Variants in TRABD2B observed in about 807,000 individuals in gnomAD.
The protein encoded by TRABD2B is TraB domain containing 2B.
In TRABD2B, 14 loss-of-function variants were observed where a neutral mutation model predicts 40.1. The ratio of observed to expected loss-of-function variants is 0.35; its 90% CI spans 0.23 to 0.55. The LOEUF (loss-of-function observed/expected upper bound fraction) is 0.55. Ranked by LOEUF, TRABD2B falls within the 20% of genes least tolerant of loss-of-function variation. TRABD2B has a pLI of 0.90. For synonymous variants in TRABD2B, 263 were observed against 277.0 expected (o/e 0.95, Z 0.50); for missense variants, 541 against 648.6 (o/e 0.83, Z 1.80).
At position 47,994,379 on chromosome 1, in the gene TRABD2B, T is replaced by C. The variant is rs757139546; in HGVS notation, c.321A>G (p.Glu107=). 6.9e-5 allele frequency: 106 copies of C among 1,536,134 alleles called. 2 individuals are homozygous for C. In the East Asian group the frequency reaches 2.5e-3, roughly 36 times the overall value. The part of the protein sequence containing the change: ...LASCQLLPHG[E]NLQDVLPHEL... Reference sequence around the variant, plus strand: ...CGTGGGGCAGCACGTCCTGCAGGTTTTCCCCGTGCGGCAGCAGCTGGCAGC... The same window carrying C: ...CGTGGGGCAGCACGTCCTGCAGGTTCTCCCCGTGCGGCAGCAGCTGGCAGC... Residue 107 remains glutamate, a synonymous_variant, in exon 2 of 7, where the codon GAA becomes GAG. Coordinates refer to ENST00000606738, the MANE Select transcript of TRABD2B (RefSeq NM_001194986.2). This position sits in a 1 kb window ranked among gnomAD's most constrained non-coding sequence, Gnocchi z 6.7.
intron 2 of TRABD2B, among the ~76,000 whole-genome samples, chr1:47,849,789 G>T (rs908546304): frequency 1.3e-5 from 2 of 152,172 alleles, no homozygotes; most frequent in Non-Finnish European, 2.9e-5. Context: ...CGTGGCTCCC[G>T]CCCAAGGTTT....
chr1:47,780,473 A>C (rs904339317), intron 4 of TRABD2B, among the ~76,000 whole-genome samples: 16 of 152,118 alleles, frequency 1.1e-4, no homozygotes, highest in African/African-American at 3.9e-4. Context: ...GTAGTGATGA[A>C]GAGGCAGGGT....
chr1:47,814,722 G>A (rs1274959499), intron 2 of TRABD2B, among the ~76,000 whole-genome samples: 1 of 152,202 alleles, frequency 6.6e-6, no homozygotes, highest in Non-Finnish European at 1.5e-5. Flanking sequence ...AAGAAAAGAA[G>A]ACTGCGTGGG....
Position 47,994,303 on chromosome 1 carries a change from G to A in TRABD2B, c.397C>T (p.Pro133Ser). 1 of 1,536,426 alleles carries A rather than the reference G, an allele frequency of 6.5e-7. No individual in the cohort carries two copies. ...RHLDYVKLMM[P>S]SWMTPAQRGK... ...CGCTGAGCGGGCGTCATCCAGGAGG[G>A]CATCATCAACTTCACGTAGTCCAGG... Residue 133 changes from proline (P) to serine (S), a missense_variant, in exon 2 of 7, where the codon CCC becomes TCC. Pro to Ser is a moderately conservative substitution (Grantham distance 74). This residue lies in a region of TRABD2B where 369 missense variants were observed against 492.8 expected (regional missense o/e 0.75). Transcript: ENST00000606738. The surrounding 1 kb of genome is among the most constrained non-coding windows in gnomAD (Gnocchi z 6.7).
At chr1:47,885,926 G>A in intron 2 of TRABD2B, among the ~76,000 whole-genome samples, 1 of 152,198 alleles carries the variant, frequency 6.6e-6, no homozygotes, top group Non-Finnish European at 1.5e-5. Flanking sequence ...TCAAAGTCTA[G>A]TTTTATGCAT....
At position 47,996,467 on chromosome 1, in the gene TRABD2B, G is replaced by C. The variant is rs1557703831; in HGVS notation, c.102+221C>G. Among the ~76,000 whole-genome samples the C allele has an allele frequency of 6.6e-6, 1 of 152,178 alleles. No homozygotes were observed. Among genetic ancestry groups the C allele is most frequent in the South Asian group, 2.1e-4 (1 of 4,832 alleles). On this transcript the variant is annotated intron_variant, in intron 1 of 6. Transcript: ENST00000606738. This position sits in a 1 kb window ranked among gnomAD's most constrained non-coding sequence, Gnocchi z 4.6. ...AAGAGGAGAGCCCCAGAGCGGCAGC[G>C]TGTGGAGAAGGAACCGGAGAGGGAG...
Position 47,765,286 on chromosome 1 carries a change from T to C in TRABD2B, c.*616A>G, listed in dbSNP as rs1433488405. Reference sequence around the variant, plus strand: ...ACCCCAGCGCTTTGGTTGAAAACACTTACCAAGAGCTCTGGAGGGCCAGAT... The same window carrying C: ...ACCCCAGCGCTTTGGTTGAAAACACCTACCAAGAGCTCTGGAGGGCCAGAT... On this transcript the variant is annotated 3_prime_UTR_variant, in exon 7 of 7. Coordinates refer to ENST00000606738, the MANE Select transcript of TRABD2B (RefSeq NM_001194986.2). The C allele has an allele frequency of 5.3e-5, 8 of 151,766 alleles. No individual in the cohort carries two copies. Among genetic ancestry groups the C allele is most frequent in the African/African-American group, 1.7e-4 (7 of 41,302 alleles). 9.4% of individuals were successfully genotyped at this position (151,766 alleles called of 1,614,324 possible).
chr1:47,909,483 A>AAGG lies in TRABD2B; in HGVS notation c.666+84548_666+84550dup, dbSNP rs762863607. ...GAAGGAGAAGGGGAAGGAGAAGGAG[A>AAGG]AGGAGAAGGAGGAGAAGGAGGAGAA... On this transcript the variant is annotated intron_variant, in intron 2 of 6. Coordinates refer to ENST00000606738, the MANE Select transcript of TRABD2B (RefSeq NM_001194986.2). Among the ~76,000 whole-genome samples the AAGG allele has an allele frequency of 5.2e-3, 441 of 84,350 alleles. 3 individuals are homozygous for AAGG. Among genetic ancestry groups the AAGG allele is most frequent in the South Asian group, 0.011 (18 of 1,694 alleles). The allele number at this position is 84,350 out of a possible 152,430, so 55.3% of individuals were successfully genotyped here.
intron 2 of TRABD2B, among the ~76,000 whole-genome samples, chr1:47,831,271 T>A (rs1211077687): frequency 2.0e-5 from 3 of 151,830 alleles, no homozygotes; most frequent in African/African-American, 7.3e-5. Context: ...AGCAGAATTA[T>A]TAATAGGTCC....
chr1:47,960,762 A>G (rs913319056), intron 2 of TRABD2B, among the ~76,000 whole-genome samples: 3 of 152,206 alleles, frequency 2.0e-5, no homozygotes, highest in Non-Finnish European at 2.9e-5. Context: ...GGAAGAATCA[A>G]TATCGTGAAA....
chr1:47,938,366 A>G (rs1320870434), intron 2 of TRABD2B, among the ~76,000 whole-genome samples: 1 of 152,174 alleles, frequency 6.6e-6, no homozygotes, highest in African/African-American at 2.4e-5. Flanking sequence ...TCTCTGGAGT[A>G]TGGCCATCTA....
At chr1:47,961,226 G>A (rs1645509750) in intron 2 of TRABD2B, among the ~76,000 whole-genome samples, 1 of 152,212 alleles carries the variant, frequency 6.6e-6, no homozygotes, top group Non-Finnish European at 1.5e-5. Flanking sequence ...ATGGATTAAA[G>A]ACTTACATGT....
At chr1:47,981,906 T>C (rs1448918817) in intron 2 of TRABD2B, among the ~76,000 whole-genome samples, 1 of 152,096 alleles carries the variant, frequency 6.6e-6, no homozygotes, top group East Asian at 1.9e-4. Flanking sequence ...GTCTGAGCAG[T>C]AGAGGAAAAG....
intron 2 of TRABD2B, among the ~76,000 whole-genome samples, chr1:47,935,869 GA>G: frequency 6.6e-6 from 1 of 152,264 alleles, no homozygotes; most frequent in Non-Finnish European, 1.5e-5. Flanking sequence ...TAAAGCCACA[GA>G]AAAAAAGAGC....
At chr1:47,800,398 A>C (rs1644806521) in intron 3 of TRABD2B, among the ~76,000 whole-genome samples, 1 of 152,212 alleles carries the variant, frequency 6.6e-6, no homozygotes, top group South Asian at 2.1e-4. Flanking sequence ...TGGGAGAGGC[A>C]TTCGGCAGAG....
intron 2 of TRABD2B, among the ~76,000 whole-genome samples, chr1:47,951,832 A>G (rs1334511998): frequency 6.6e-6 from 1 of 152,210 alleles, no homozygotes; most frequent in Non-Finnish European, 1.5e-5. Flanking sequence ...TTTATATACT[A>G]GGGAACAAGT....
chr1:47,985,165 G>A (rs1032756177), intron 2 of TRABD2B, among the ~76,000 whole-genome samples: 3 of 152,196 alleles, frequency 2.0e-5, no homozygotes, highest in Admixed American at 6.5e-5. Context: ...TTACACTCCC[G>A]ATAAGTGCAC....
chr1:47,807,718 CTT>C (rs1319019717), intron 2 of TRABD2B, among the ~76,000 whole-genome samples: 6 of 152,028 alleles, frequency 3.9e-5, no homozygotes, highest in Admixed American at 1.3e-4. Flanking sequence ...GATATATTGA[CTT>C]ATAGTATTTA....
intron 2 of TRABD2B, among the ~76,000 whole-genome samples, chr1:47,856,592 A>C (rs780718659): frequency 2.0e-5 from 3 of 152,192 alleles, no homozygotes; most frequent in African/African-American, 4.8e-5. Flanking sequence ...AGAGAGGCTC[A>C]GAGTTTTTCC....
Sources: allele counts gnomAD v4.1 joint callset (sites outside exome capture counted in the v4.1 genomes callset), GRCh38; gene constraint gnomAD v4.1.1; regional missense constraint gnomAD v4.1.1; non-coding constraint Gnocchi (gnomAD v3.1); transcripts MANE v1.5; gene names NCBI Gene and HGNC (gene_info 2026-07-23, HGNC 2026-07-21).